FNDC3A: variants seen among roughly 807,000 people sequenced by gnomAD.
FNDC3A encodes the protein fibronectin type III domain containing 3A.
In FNDC3A, 32 loss-of-function variants were observed where a neutral mutation model predicts 148.9. That is an observed-to-expected ratio of 0.21 (90% CI 0.16 to 0.29). The LOEUF (loss-of-function observed/expected upper bound fraction) is 0.29, where lower values mean the gene tolerates loss of function less well. FNDC3A is among the 10% of genes least tolerant of loss of function. The pLI is 1.00. For missense variants in FNDC3A, 1,191 were observed against 1,452.8 expected (o/e 0.82, Z 2.93); for synonymous variants, 472 against 473.6 (o/e 1.00, Z 0.04).
At chr13:49,002,974 A>G (rs1952153031) in intron 1 of FNDC3A, among the ~76,000 whole-genome samples, 2 of 152,252 alleles carry the variant, frequency 1.3e-5, no homozygotes, top group Middle Eastern at 3.4e-3. Context: ...AACTTTTCCT[A>G]AGTGATTTAC....
intron 7 of FNDC3A, among the ~76,000 whole-genome samples, chr13:49,141,727 G>A (rs1882699660): frequency 6.6e-6 from 1 of 152,050 alleles, no homozygotes; most frequent in Admixed American, 6.6e-5. Flanking sequence ...TAGTTTTGAT[G>A]ACTACCTTAC....
At chr13:49,053,159 A>G (rs563882022) in intron 2 of FNDC3A, among the ~76,000 whole-genome samples, 129 of 152,322 alleles carry the variant, frequency 8.5e-4, no homozygotes, top group Non-Finnish European at 1.4e-3. Flanking sequence ...CTCCCCATTC[A>G]GAAAGCAAGC....
chr13:49,036,883 G>C (rs1874530418), intron 2 of FNDC3A, among the ~76,000 whole-genome samples: 1 of 152,164 alleles, frequency 6.6e-6, no homozygotes, highest in African/African-American at 2.4e-5. Flanking sequence ...AATCAAGTCT[G>C]AACTAATTGT....
At chr13:49,054,798 A>G (rs1007880359) in intron 2 of FNDC3A, among the ~76,000 whole-genome samples, 52 of 152,262 alleles carry the variant, frequency 3.4e-4, no homozygotes, top group African/African-American at 1.0e-3. Context: ...GCCAGGATCA[A>G]TGCTGAGCCC....
chr13:49,158,262 C>T (rs921597913), intron 8 of FNDC3A, among the ~76,000 whole-genome samples: 3 of 152,196 alleles, frequency 2.0e-5, no homozygotes, highest in East Asian at 1.9e-4. Context: ...GCGCAATATT[C>T]GGGAGGGAGT....
intron 4 of FNDC3A, among the ~76,000 whole-genome samples, chr13:49,118,214 G>A (rs561649235): frequency 3.9e-5 from 6 of 152,330 alleles, no homozygotes; most frequent in African/African-American, 7.2e-5. Flanking sequence ...GCGAGCTGAA[G>A]CAGGGTGGGG....
At chr13:48,991,224 G>C (rs952897129) in intron 1 of FNDC3A, among the ~76,000 whole-genome samples, 4 of 152,132 alleles carry the variant, frequency 2.6e-5, no homozygotes, top group African/African-American at 9.7e-5. Context: ...GAGTTAAAAG[G>C]ATGGAAAAAG....
chr13:49,123,244 G>A (rs1380276415), intron 4 of FNDC3A, among the ~76,000 whole-genome samples: 10 of 152,098 alleles, frequency 6.6e-5, no homozygotes, highest in Admixed American at 6.5e-4. Context: ...ACAACCAATG[G>A]GGAAAGGATT....
At chr13:49,190,812 T>G (rs894512822) in intron 17 of FNDC3A, among the ~76,000 whole-genome samples, 13 of 152,234 alleles carry the variant, frequency 8.5e-5, no homozygotes, top group African/African-American at 2.9e-4. Flanking sequence ...GTACATGTCT[T>G]TCTTTGTCTA....
chr13:49,033,994 T>A (rs1419836381), intron 2 of FNDC3A, among the ~76,000 whole-genome samples: 1 of 152,030 alleles, frequency 6.6e-6, no homozygotes, highest in African/African-American at 2.4e-5. Flanking sequence ...AACTATTACT[T>A]TAAATATGTA....
intron 2 of FNDC3A, among the ~76,000 whole-genome samples, chr13:49,062,562 G>A (rs146013447): frequency 7.7e-4 from 117 of 152,092 alleles, no homozygotes; most frequent in African/African-American, 2.1e-3. Flanking sequence ...TCATGACTTC[G>A]TACACATTAT....
At chr13:49,189,956 G>A (rs1423680889) in intron 17 of FNDC3A, among the ~76,000 whole-genome samples, 3 of 152,052 alleles carry the variant, frequency 2.0e-5, no homozygotes, top group Non-Finnish European at 4.4e-5. Flanking sequence ...GCACGATCTC[G>A]GCTCACTGCC....
intron 2 of FNDC3A, chr13:49,044,885 G>A: frequency 3.4e-6 from 1 of 292,456 alleles, no homozygotes; most frequent in South Asian, 3.6e-5. Flanking sequence ...TTGGCAATGA[G>A]CAAACCCTCA....
intron 1 of FNDC3A, among the ~76,000 whole-genome samples, chr13:49,003,856 A>G (rs1229344957): frequency 3.3e-5 from 5 of 152,180 alleles, no homozygotes; most frequent in Non-Finnish European, 7.4e-5. Flanking sequence ...AAGCTTCTAC[A>G]TAGAGCACTG....
chr13:49,109,146 C>T (rs1210284637), intron 3 of FNDC3A, among the ~76,000 whole-genome samples: 4 of 152,156 alleles, frequency 2.6e-5, no homozygotes, highest in Admixed American at 6.5e-5. Flanking sequence ...AGTGAGTTAA[C>T]GCAAGTAAAA....
intron 8 of FNDC3A, among the ~76,000 whole-genome samples, chr13:49,151,095 C>T (rs572823673): frequency 4.6e-5 from 7 of 152,038 alleles, no homozygotes; most frequent in Non-Finnish European, 5.9e-5. Flanking sequence ...CAGTTATGTC[C>T]ATTTGGTCTA....
At chr13:48,985,657 C>CA (rs1005523552) in intron 1 of FNDC3A, among the ~76,000 whole-genome samples, 103 of 151,892 alleles carry the variant, frequency 6.8e-4, no homozygotes, top group African/African-American at 2.3e-3. Flanking sequence ...CATACACACA[C>CA]AAAAAAAATA....
intron 14 of FNDC3A, among the ~76,000 whole-genome samples, chr13:49,180,530 A>G (rs946558095): frequency 6.6e-6 from 1 of 152,114 alleles, no homozygotes; most frequent in African/African-American, 2.4e-5. Flanking sequence ...CAGTTTTGTG[A>G]TGATATTGGA....
At chr13:49,010,013 A>G (rs1952304798) in intron 2 of FNDC3A, among the ~76,000 whole-genome samples, 1 of 152,238 alleles carries the variant, frequency 6.6e-6, no homozygotes, top group Admixed American at 6.5e-5. Context: ...GGCTAATGCC[A>G]TTGAAAGAAG....
Sources: gnomAD v4.1 joint callset for allele counts (sites outside exome capture counted in the v4.1 genomes callset) on GRCh38, gnomAD v4.1.1 for gene constraint, MANE v1.5 for transcripts, NCBI Gene and HGNC (gene_info 2026-07-23, HGNC 2026-07-21) for gene names.